Variants in SEMA3E observed in about 807,000 individuals in gnomAD.
The protein encoded by SEMA3E is semaphorin 3E, also known as semaphorin-3E.
In SEMA3E, 49 loss-of-function variants were observed where a neutral mutation model predicts 93.6. That is an observed-to-expected ratio of 0.52 (90% CI 0.42 to 0.66). The LOEUF (loss-of-function observed/expected upper bound fraction) is 0.66, where lower values mean the gene tolerates loss of function less well. SEMA3E is among the 30% of genes least tolerant of loss of function. The probability of loss-of-function intolerance (pLI) is 0.00; values close to 1 mark genes in which losing one functional copy is unlikely to be tolerated. For synonymous variants in SEMA3E, 363 were observed against 330.7 expected, an observed-to-expected ratio of 1.10 and a Z score of -1.06; for missense variants, 906 against 964.8, an observed-to-expected ratio of 0.94 and a Z score of 0.81.
chr7:83,556,720 T>C (rs1249263408), intron 1 of SEMA3E, among the ~76,000 whole-genome samples: 2 of 152,188 alleles, frequency 1.3e-5, no homozygotes, highest in Non-Finnish European at 2.9e-5. Flanking sequence ...TGAATGTTTG[T>C]GTCCTCTCCA....
intron 1 of SEMA3E, among the ~76,000 whole-genome samples, chr7:83,586,853 A>G (rs1370954396): frequency 6.6e-6 from 1 of 152,102 alleles, no homozygotes; most frequent in Non-Finnish European, 1.5e-5. Flanking sequence ...AAATTGCTAT[A>G]TTCAAGTTAA....
At chr7:83,516,035 TAACAAC>T (rs1262403955) in intron 1 of SEMA3E, among the ~76,000 whole-genome samples, 1 of 151,726 alleles carries the variant, frequency 6.6e-6, no homozygotes, top group Non-Finnish European at 1.5e-5. Flanking sequence ...TCAAAACAAA[TAACAAC>T]AACAACAATA....
intron 16 of SEMA3E, among the ~76,000 whole-genome samples, chr7:83,370,461 C>T (rs1794735410): frequency 6.6e-6 from 1 of 152,092 alleles, no homozygotes; most frequent in Non-Finnish European, 1.5e-5. Flanking sequence ...AACACCCCTT[C>T]CTCATCACCA....
intron 3 of SEMA3E, among the ~76,000 whole-genome samples, chr7:83,467,097 C>T (rs1392606515): frequency 7.7e-6 from 1 of 130,152 alleles, no homozygotes; most frequent in Non-Finnish European, 1.6e-5. Flanking sequence ...CAGGGTCTCA[C>T]TCTGTTGCCC....
At chr7:83,538,274 T>A (rs1229123799) in intron 1 of SEMA3E, among the ~76,000 whole-genome samples, 1 of 152,186 alleles carries the variant, frequency 6.6e-6, no homozygotes, top group African/African-American at 2.4e-5. Context: ...CAGACTATTT[T>A]TCAAAAGCAG....
chr7:83,476,544 T>C lies in SEMA3E; in HGVS notation c.277-7242A>G, dbSNP rs545931928. The stretch of plus-strand genomic sequence containing the variant: ...GTTTTTTTCTTGTTATTTTGGTTTG[T>C]TTGGTATTTTAAAACAGTTTAATAG... On this transcript the variant is annotated intron_variant, in intron 2 of 16. Transcript: ENST00000643230. 3.9e-5 allele frequency among the ~76,000 whole-genome samples: 6 copies of C among 152,318 alleles called. No homozygotes were observed. In the South Asian group the frequency reaches 1.2e-3, roughly 32 times the overall value.
Position 83,432,396 on chromosome 7 carries a change from CAAAT to C in SEMA3E, c.457-13917_457-13914del, listed in dbSNP as rs527363710. ...TGAAGCATTTACTATCAAAATAAGA[CAAAT>C]AAAAAGTTATAATAACGTCTGGGAG... On this transcript the variant is annotated intron_variant, in intron 4 of 16. Coordinates refer to ENST00000643230, the MANE Select transcript of SEMA3E (RefSeq NM_012431.3). Among the ~76,000 whole-genome samples the C allele has an allele frequency of 4.9e-4, 75 of 151,744 alleles. No homozygotes were observed. In the South Asian group the frequency reaches 0.013, roughly 26 times the overall value.
chr7:83,530,554 C>T (rs894246467), intron 1 of SEMA3E, among the ~76,000 whole-genome samples: 1 of 152,078 alleles, frequency 6.6e-6, no homozygotes, highest in African/African-American at 2.4e-5. Context: ...CTACGTGAAA[C>T]AATTTCCAAT....
chr7:83,564,100 A>G (rs914446858), intron 1 of SEMA3E, among the ~76,000 whole-genome samples: 1 of 152,296 alleles, frequency 6.6e-6, no homozygotes, highest in Middle Eastern at 3.4e-3. Flanking sequence ...AAAATATTGT[A>G]TCCAAATGGG....
intron 1 of SEMA3E, among the ~76,000 whole-genome samples, chr7:83,630,981 C>CT (rs1024636192): frequency 4.6e-5 from 7 of 152,006 alleles, no homozygotes; most frequent in Non-Finnish European, 8.8e-5. Context: ...AATTATGTGC[C>CT]TTTTTTTAAG....
intron 1 of SEMA3E, among the ~76,000 whole-genome samples, chr7:83,513,004 T>A (rs1009518808): frequency 1.3e-5 from 2 of 152,182 alleles, no homozygotes; most frequent in Non-Finnish European, 2.9e-5. Context: ...TAGTAAAGAA[T>A]TTATATTTTT....
chr7:83,554,939 T>C (rs963413634), intron 1 of SEMA3E, among the ~76,000 whole-genome samples: 1 of 148,338 alleles, frequency 6.7e-6, no homozygotes, highest in African/African-American at 2.5e-5. Flanking sequence ...ATCAGACCAC[T>C]GTACTCCAGC....
chr7:83,564,598 T>C (rs2115846001), intron 1 of SEMA3E, among the ~76,000 whole-genome samples: 1 of 152,330 alleles, frequency 6.6e-6, no homozygotes, highest in South Asian at 2.1e-4. Flanking sequence ...GTCACTGTTG[T>C]TGCTAACAGT....
intron 1 of SEMA3E, among the ~76,000 whole-genome samples, chr7:83,577,746 GGA>G (rs1212794596): frequency 6.6e-6 from 1 of 152,058 alleles, no homozygotes; most frequent in African/African-American, 2.4e-5. Flanking sequence ...ATTGGCTCTA[GGA>G]GAGAGAATGT....
At chr7:83,463,744 T>G (rs1789687369) in intron 4 of SEMA3E, among the ~76,000 whole-genome samples, 1 of 152,174 alleles carries the variant, frequency 6.6e-6, no homozygotes, top group Non-Finnish European at 1.5e-5. Flanking sequence ...TCTCATTTCC[T>G]TTCCATCGTG....
At chr7:83,493,855 C>A (rs1417007109) in intron 1 of SEMA3E, among the ~76,000 whole-genome samples, 1 of 151,954 alleles carries the variant, frequency 6.6e-6, no homozygotes, top group Middle Eastern at 3.4e-3. Flanking sequence ...TAACTGGTTA[C>A]AATTTTGTAA....
At chr7:83,509,976 GAAAAT>G (rs1790783804) in intron 1 of SEMA3E, among the ~76,000 whole-genome samples, 1 of 152,042 alleles carries the variant, frequency 6.6e-6, no homozygotes, top group Non-Finnish European at 1.5e-5. Context: ...ATAATAGTAG[GAAAAT>G]AAAACTGACC....
chr7:83,619,124 G>A (rs888576400), intron 1 of SEMA3E, among the ~76,000 whole-genome samples: 9 of 151,278 alleles, frequency 5.9e-5, no homozygotes, highest in African/African-American at 1.7e-4. Flanking sequence ...GCAGAACTTC[G>A]GGTCATTTAA....
At chr7:83,550,441 C>T (rs1791742453) in intron 1 of SEMA3E, among the ~76,000 whole-genome samples, 1 of 152,060 alleles carries the variant, frequency 6.6e-6, no homozygotes, top group African/African-American at 2.4e-5. Flanking sequence ...TATGAGTCTG[C>T]TCCAATTAGG....
Sources: allele counts gnomAD v4.1 joint callset (sites outside exome capture counted in the v4.1 genomes callset), GRCh38; gene constraint gnomAD v4.1.1; transcripts MANE v1.5; gene names NCBI Gene and HGNC (gene_info 2026-07-23, HGNC 2026-07-21).